Variants in CIMIP5 observed in about 807,000 individuals in gnomAD.
The protein encoded by CIMIP5 is uncharacterized protein C2orf50.
chr2:11,149,023 T>C, the CIMIP5 span, among the ~76,000 whole-genome samples: 141,368 of 151,988 alleles, frequency 0.93, 65,836 homozygotes, highest in East Asian at 1. Context: ...CATGAGCCAC[T>C]GCGCCTGGCC....
chr2:11,140,024 T>C, the CIMIP5 span, among the ~76,000 whole-genome samples: 20 of 146,486 alleles, frequency 1.4e-4, no homozygotes, highest in African/African-American at 4.9e-4. Context: ...GAGGCAGAGG[T>C]TGCAGTGAGC....
At chr2:11,149,337 T>A in the CIMIP5 span, among the ~76,000 whole-genome samples, 1 of 151,334 alleles carries the variant, frequency 6.6e-6, no homozygotes, top group Non-Finnish European at 1.5e-5. Context: ...GTAACTAGAA[T>A]ATAATCAGGA....
the CIMIP5 span, chr2:11,144,536 A>T: frequency 2.9e-3 from 448 of 156,506 alleles, 1 homozygote; most frequent in African/African-American, 0.01. Flanking sequence ...GTGACAAGTG[A>T]GCACAAACTG....
chr2:11,150,373 C>A, the CIMIP5 span, among the ~76,000 whole-genome samples: 1 of 151,626 alleles, frequency 6.6e-6, no homozygotes, highest in African/African-American at 2.4e-5. Flanking sequence ...CGCTCTATCA[C>A]CCAGGCTGGA....
the CIMIP5 span, among the ~76,000 whole-genome samples, chr2:11,135,993 C>T: frequency 9.1e-3 from 1,378 of 152,210 alleles, 20 homozygotes; most frequent in African/African-American, 0.031. Context: ...TTTGGTGCTA[C>T]GAAGTTGTAG....
chr2:11,152,773 C>G, the CIMIP5 span, among the ~76,000 whole-genome samples: 2 of 152,054 alleles, frequency 1.3e-5, no homozygotes, highest in Non-Finnish European at 2.9e-5. Flanking sequence ...TTGAGGCCAT[C>G]CTCCAAGCAG....
At chr2:11,149,060 G>A in the CIMIP5 span, among the ~76,000 whole-genome samples, 2 of 152,120 alleles carry the variant, frequency 1.3e-5, no homozygotes, top group Admixed American at 6.5e-5. Flanking sequence ...ATTGAAGAAT[G>A]CAGAATAAAT....
the CIMIP5 span, among the ~76,000 whole-genome samples, chr2:11,143,266 C>A: frequency 0.17 from 25,166 of 152,004 alleles, 6,038 homozygotes; most frequent in African/African-American, 0.53. Context: ...AGCCACACTC[C>A]AAAGCTGAAT....
At chr2:11,133,513 G>GAGCT in the CIMIP5 span, 1 of 1,608,528 alleles carries the variant, frequency 6.2e-7, no homozygotes. Flanking sequence ...GTGGCTCAGG[G>GAGCT]AGCTGCCTGC....
chr2:11,142,867 C>T, the CIMIP5 span, among the ~76,000 whole-genome samples: 14 of 151,728 alleles, frequency 9.2e-5, no homozygotes, highest in African/African-American at 2.9e-4. Context: ...CTTACATGCA[C>T]GTGCCCCCAC....
At chr2:11,135,349 G>A in the CIMIP5 span, among the ~76,000 whole-genome samples, 34 of 152,264 alleles carry the variant, frequency 2.2e-4, no homozygotes, top group African/African-American at 8.2e-4. Context: ...TTCTCCACAC[G>A]CTGGCCAACA....
At chr2:11,154,402 G>T in the CIMIP5 span, among the ~76,000 whole-genome samples, 1 of 152,070 alleles carries the variant, frequency 6.6e-6, no homozygotes, top group Non-Finnish European at 1.5e-5. Context: ...GAGAGAAAGA[G>T]CCTCGGCCAG....
chr2:11,133,521 T>TGCGATG, the CIMIP5 span: 3 of 1,608,248 alleles, frequency 1.9e-6, no homozygotes, highest in East Asian at 2.2e-5. Context: ...GGGAGCTGCC[T>TGCGATG]GCGATGGCGT....
chr2:11,142,095 A>ATG, the CIMIP5 span, among the ~76,000 whole-genome samples: 1 of 151,970 alleles, frequency 6.6e-6, no homozygotes, highest in Non-Finnish European at 1.5e-5. Flanking sequence ...GAGAAACCCC[A>ATG]TCTCTACTAA....
the CIMIP5 span, among the ~76,000 whole-genome samples, chr2:11,150,882 A>C: frequency 2.0e-5 from 3 of 152,038 alleles, no homozygotes; most frequent in Non-Finnish European, 2.9e-5. Context: ...TTAAAAAAAA[A>C]AACAAAAAAC....
the CIMIP5 span, among the ~76,000 whole-genome samples, chr2:11,148,730 C>CTTTTTTTTT: frequency 5.3e-4 from 34 of 63,802 alleles, no homozygotes; most frequent in African/African-American, 2.7e-3. Context: ...CTAATGAAAA[C>CTTTTTTTTT]TCTTTTTTTT....
At chr2:11,150,071 C>T in the CIMIP5 span, among the ~76,000 whole-genome samples, 5 of 152,130 alleles carry the variant, frequency 3.3e-5, no homozygotes, top group Non-Finnish European at 7.4e-5. Context: ...CTCAGCCTCC[C>T]GAGTAGCTGG....
the CIMIP5 span, among the ~76,000 whole-genome samples, chr2:11,150,418 C>T: frequency 5.3e-5 from 8 of 151,716 alleles, no homozygotes; most frequent in African/African-American, 1.5e-4. Flanking sequence ...CTGCAGCCTC[C>T]GCTTCCCAGG....
the CIMIP5 span, among the ~76,000 whole-genome samples, chr2:11,137,404 A>G: frequency 1.3e-5 from 2 of 152,214 alleles, no homozygotes; most frequent in African/African-American, 4.8e-5. Context: ...AAGAACTTGT[A>G]GAAATAAAAA....
Sources: gnomAD v4.1 joint callset for allele counts (sites outside exome capture counted in the v4.1 genomes callset) on GRCh38, gnomAD v4.1.1 for gene constraint, MANE v1.5 for transcripts, NCBI Gene and HGNC (gene_info 2026-07-23, HGNC 2026-07-21) for gene names.